The following SNX18 variants were observed in gnomAD, a reference collection of about 807,000 sequenced individuals.
The protein encoded by SNX18 is sorting nexin 18, also known as sorting nexin-18.
In SNX18, 35 loss-of-function variants were observed where a neutral mutation model predicts 48.7. That is an observed-to-expected ratio of 0.72 (90% CI 0.55 to 0.95). The LOEUF is 0.95. SNX18 is among the 40% of genes least tolerant of loss of function. The probability of loss-of-function intolerance (pLI) is 0.00; values close to 1 mark genes in which losing one functional copy is unlikely to be tolerated. For synonymous variants in SNX18, 492 were observed against 384.7 expected (o/e 1.28, Z -3.26); for missense variants, 824 against 871.0 (o/e 0.95, Z 0.68).
intron 1 of SNX18, among the ~76,000 whole-genome samples, chr5:54,526,959 G>T (rs748419348): frequency 6.6e-6 from 1 of 151,902 alleles, no homozygotes; most frequent in Admixed American, 6.6e-5. Context: ...CAGGTATCTC[G>T]GGGGAGAGCT....
chr5:54,617,180 C>T, the SNX18 span, among the ~76,000 whole-genome samples: 3 of 152,178 alleles, frequency 2.0e-5, no homozygotes, highest in South Asian at 2.1e-4. Flanking sequence ...CCAGTGAAGC[C>T]GCAAGGCCTC....
intron 1 of SNX18, among the ~76,000 whole-genome samples, chr5:54,532,890 C>A (rs962523262): frequency 3.3e-5 from 5 of 152,136 alleles, no homozygotes; most frequent in South Asian, 2.1e-4. Context: ...AAATAATCAT[C>A]TTTTAAGGTA....
downstream of SNX18, among the ~76,000 whole-genome samples, chr5:54,549,147 C>T (rs181116508): frequency 6.7e-3 from 1,023 of 152,292 alleles, 12 homozygotes; most frequent in African/African-American, 0.018. Context: ...ATAGAATCCC[C>T]TTTGTGGACA....
At chr5:54,524,233 G>C (rs1290111032) in intron 1 of SNX18, among the ~76,000 whole-genome samples, 2 of 152,174 alleles carry the variant, frequency 1.3e-5, no homozygotes, top group Admixed American at 6.5e-5. Flanking sequence ...AAATATAAAT[G>C]TGACTGCCCA....
chr5:54,608,858 G>A, the SNX18 span, among the ~76,000 whole-genome samples: 1 of 152,178 alleles, frequency 6.6e-6, no homozygotes, highest in Non-Finnish European at 1.5e-5. Flanking sequence ...GCCCTCCAAA[G>A]TGTGTAAAGG....
chr5:54,551,146 C>T (rs944532992), downstream of SNX18, among the ~76,000 whole-genome samples: 6 of 151,664 alleles, frequency 4.0e-5, no homozygotes, highest in Non-Finnish European at 7.4e-5. Flanking sequence ...CCAACCCCTT[C>T]GAGACCTGGA....
In SNX18 at chr5:54,544,129, T is replaced by A. The variant is rs1448396357; in HGVS notation, c.*697T>A. On this transcript the variant is annotated 3_prime_UTR_variant, in exon 2 of 2. Transcript: ENST00000381410. The stretch of plus-strand genomic sequence containing the variant: ...TGCTGGTGAATGCAGGGGAGTGAGA[T>A]TCATTGCTCATCTTTGGATATGAAG... 2 of 152,102 alleles carry A rather than the reference T, an allele frequency of 1.3e-5. 1 individual carries two copies. Among genetic ancestry groups the A allele is most frequent in the African/African-American group, 4.8e-5 (2 of 41,388 alleles). The allele number at this position is 152,102 out of a possible 1,614,324, so 9.4% of individuals were successfully genotyped here. A position where few individuals can be genotyped will look rare whatever the true frequency, so the allele number is the denominator to read the frequency against.
the SNX18 span, among the ~76,000 whole-genome samples, chr5:54,639,193 A>C: frequency 6.9e-6 from 1 of 144,436 alleles, no homozygotes; most frequent in East Asian, 2.1e-4. Flanking sequence ...AGGCCACCGA[A>C]TGCTCTCCCA....
the SNX18 span, among the ~76,000 whole-genome samples, chr5:54,599,182 C>T: frequency 6.6e-6 from 1 of 152,132 alleles, no homozygotes; most frequent in Non-Finnish European, 1.5e-5. Context: ...CATGACAATG[C>T]TGGCCTCATA....
intron 1 of SNX18, among the ~76,000 whole-genome samples, chr5:54,524,502 A>G (rs1236659491): frequency 6.6e-6 from 1 of 152,224 alleles, no homozygotes; most frequent in Non-Finnish European, 1.5e-5. Context: ...ACAAGTGAGA[A>G]GTTCTGTGAT....
chr5:54,646,693 A>C, the SNX18 span, among the ~76,000 whole-genome samples: 1 of 152,228 alleles, frequency 6.6e-6, no homozygotes, highest in African/African-American at 2.4e-5. Context: ...CTGCCACCCA[A>C]GTTCTTATGC....
At chr5:54,630,737 G>C in the SNX18 span, among the ~76,000 whole-genome samples, 1 of 151,344 alleles carries the variant, frequency 6.6e-6, no homozygotes, top group Non-Finnish European at 1.5e-5. Flanking sequence ...TGGAGGCTGA[G>C]GCAGGAGAAC....
At chr5:54,602,476 G>A in the SNX18 span, among the ~76,000 whole-genome samples, 1 of 152,188 alleles carries the variant, frequency 6.6e-6, no homozygotes, top group Non-Finnish European at 1.5e-5. Context: ...AGCAGGAACT[G>A]ACGGGACGTT....
the SNX18 span, among the ~76,000 whole-genome samples, chr5:54,618,383 A>C: frequency 1.3e-5 from 2 of 152,228 alleles, no homozygotes; most frequent in African/African-American, 4.8e-5. Context: ...ATTCCAGAGT[A>C]AGGTGAAGTT....
the SNX18 span, among the ~76,000 whole-genome samples, chr5:54,601,983 T>C: frequency 6.6e-6 from 1 of 152,220 alleles, no homozygotes; most frequent in Non-Finnish European, 1.5e-5. Flanking sequence ...TATTCTCTGT[T>C]GCACTGCTTG....
chr5:54,644,698 C>T, the SNX18 span: 5 of 152,200 alleles, frequency 3.3e-5, no homozygotes, highest in South Asian at 2.1e-4. Context: ...CCTGGTGTGT[C>T]CTCCTCTCTA....
chr5:54,580,083 G>A, the SNX18 span, among the ~76,000 whole-genome samples: 2 of 151,816 alleles, frequency 1.3e-5, no homozygotes, highest in African/African-American at 4.9e-5. Flanking sequence ...GTGTGTGTGT[G>A]CATGTGTGTG....
Position 54,518,153 on chromosome 5 carries a change from G to C in SNX18, c.201G>C (p.Ala67=). 1 of 1,394,490 alleles carries C rather than the reference G, an allele frequency of 7.2e-7. No individual in the cohort carries two copies. 86.4% of individuals were successfully genotyped at this position (1,394,490 alleles called of 1,614,324 possible). ...QVIRAPEPGP[A]GDGGPGAPAR... ...TCCGCGCCCCCGAGCCTGGCCCGGC[G>C]GGAGACGGCGGCCCGGGCGCCCCGG... Residue 67 remains alanine (A), a synonymous_variant, in exon 1 of 2, where the codon GCG becomes GCC. Transcript: ENST00000381410.
rs1761957432 is a variant in SNX18, at chr5:54,519,254, C to T, written c.1302C>T (p.Phe434=). The T allele has an allele frequency of 1.2e-6, 2 of 1,614,124 alleles. No homozygotes were observed. The highest frequency in any genetic ancestry group is 8.5e-7 in the Non-Finnish European group (1 of 1,180,000). ...VESKIDGFKC[F]TKKMDDSALQ... ...GCAAGATCGACGGCTTCAAGTGCTT[C>T]ACCAAGAAGATGGACGACAGCGCGC... The change falls in exon 1 of 2, where the codon TTC becomes TTT. Residue 434 remains phenylalanine (F), a synonymous_variant. Coordinates refer to ENST00000381410, the MANE Select transcript of SNX18 (RefSeq NM_001102575.2).
Sources: allele counts gnomAD v4.1 joint callset (sites outside exome capture counted in the v4.1 genomes callset), GRCh38; gene constraint gnomAD v4.1.1; transcripts MANE v1.5; gene names NCBI Gene and HGNC (gene_info 2026-07-23, HGNC 2026-07-21).